ADGRA3: variants seen among roughly 807,000 people sequenced by gnomAD.
The protein encoded by ADGRA3 is G-protein coupled receptor 125.
In ADGRA3, 56 loss-of-function variants were observed where a neutral mutation model predicts 119.8. The ratio of observed to expected loss-of-function variants is 0.47; its 90% CI spans 0.38 to 0.58. ADGRA3 has a LOEUF of 0.58. Among genes scored for constraint, ADGRA3 ranks in the 20% least tolerant of loss-of-function variants. The pLI, the probability that ADGRA3 is intolerant of heterozygous loss-of-function variation, is 0.00. For missense variants in ADGRA3, 1,516 were observed against 1,649.0 expected (o/e 0.92, Z 1.40); for synonymous variants, 607 against 623.8 (o/e 0.97, Z 0.40).
In ADGRA3 at chr4:22,454,794, A is replaced by G. The variant is rs1385624053; in HGVS notation, c.473+72T>C. ...GTTGCTACTTATAATTAAATACATA[A>G]GTTTCATACATATTTAGGTACTGGC... On this transcript the variant is annotated intron_variant, in intron 4 of 18. Transcript: ENST00000334304. 3 of 1,088,202 alleles carry G rather than the reference A, an allele frequency of 2.8e-6. No homozygotes were observed. In the East Asian group the frequency reaches 7.1e-5, roughly 26 times the overall value. The allele number at this position is 1,088,202 out of a possible 1,614,324, so 67.4% of individuals were successfully genotyped here. A position where few individuals can be genotyped will look rare whatever the true frequency, so the allele number is the denominator to read the frequency against.
intron 1 of ADGRA3, among the ~76,000 whole-genome samples, chr4:22,474,948 A>G (rs11933465): frequency 0.55 from 83,105 of 152,014 alleles, 23,536 homozygotes; most frequent in East Asian, 0.69. Flanking sequence ...ATACCTCTGG[A>G]TCAGAAGATT....
intron 3 of ADGRA3, among the ~76,000 whole-genome samples, chr4:22,460,159 T>C (rs1717391754): frequency 6.6e-6 from 1 of 152,202 alleles, no homozygotes; most frequent in Non-Finnish European, 1.5e-5. Flanking sequence ...CTGTTCCCAT[T>C]GCAGGTGCTC....
chr4:22,436,674 C>A, intron 8 of ADGRA3, 33 bp from the exon 9 acceptor site: 2 of 1,551,090 alleles, frequency 1.3e-6, no homozygotes, highest in East Asian at 2.2e-5. Context: ...ACAAGAAAAT[C>A]TAAATGACAC....
chr4:22,408,131 C>A (rs931262238), intron 14 of ADGRA3, among the ~76,000 whole-genome samples: 1 of 151,994 alleles, frequency 6.6e-6, no homozygotes, highest in Non-Finnish European at 1.5e-5. Context: ...TTCTCCCTAC[C>A]TCACATCATC....
rs1003950341 is a variant in ADGRA3, at chr4:22,424,439, T to C, written c.1444-87A>G. 1.6e-4 allele frequency: 236 copies of C among 1,430,872 alleles called. 1 individual carries two copies. The East Asian group carries it at 2.0e-3, about 12-fold the overall frequency. 88.6% of individuals were successfully genotyped at this position (1,430,872 alleles called of 1,614,324 possible). On this transcript the variant is annotated intron_variant, in intron 10 of 18. Transcript: ENST00000334304. The stretch of plus-strand genomic sequence containing the variant: ...ATCAAAATCCTAATGGACAGTGAGA[T>C]TGGCCTTCAGTCTCAAATTCCACAT...
intron 7 of ADGRA3, among the ~76,000 whole-genome samples, chr4:22,439,648 A>G (rs1716531429): frequency 6.6e-6 from 1 of 152,230 alleles, no homozygotes; most frequent in Admixed American, 6.5e-5. Context: ...CTAAGTTAGA[A>G]AAATAAACAT....
intron 7 of ADGRA3, among the ~76,000 whole-genome samples, chr4:22,441,062 T>A (rs1487489640): frequency 6.6e-6 from 1 of 152,170 alleles, no homozygotes; most frequent in African/African-American, 2.4e-5. Context: ...GGAGTTGATA[T>A]GAGAAACAAG....
intron 14 of ADGRA3, among the ~76,000 whole-genome samples, chr4:22,406,725 A>G (rs1272216585): frequency 6.6e-6 from 1 of 152,108 alleles, no homozygotes; most frequent in African/African-American, 2.4e-5. Flanking sequence ...TGACCTGCCC[A>G]CACGCAAAGA....
intron 11 of ADGRA3, among the ~76,000 whole-genome samples, chr4:22,423,595 A>T (rs1715805485): frequency 6.6e-6 from 1 of 152,238 alleles, no homozygotes; most frequent in South Asian, 2.1e-4. Flanking sequence ...AATAAAATTT[A>T]ATACTATGTA....
At chr4:22,462,952 T>C (rs1717519402) in intron 2 of ADGRA3, among the ~76,000 whole-genome samples, 1 of 152,152 alleles carries the variant, frequency 6.6e-6, no homozygotes, top group Non-Finnish European at 1.5e-5. Flanking sequence ...GCTGACAGTC[T>C]AAATACAGTC....
intron 1 of ADGRA3, among the ~76,000 whole-genome samples, chr4:22,480,879 A>G (rs368015636): frequency 6.6e-6 from 1 of 152,114 alleles, no homozygotes. Flanking sequence ...ATATATTTAC[A>G]TATTTAAAAT....
chr4:22,417,236 G>C (rs1715463445), intron 12 of ADGRA3, among the ~76,000 whole-genome samples: 1 of 152,142 alleles, frequency 6.6e-6, no homozygotes, highest in Admixed American at 6.5e-5. Flanking sequence ...TGCTAATTAA[G>C]TTTGGCTGTT....
intron 17 of ADGRA3, among the ~76,000 whole-genome samples, chr4:22,389,722 AGAGGCCCTACC>A (rs1714030986): frequency 6.6e-6 from 1 of 152,144 alleles, no homozygotes; most frequent in Non-Finnish European, 1.5e-5. Context: ...CACAGAGTGC[AGAGGCCCTACC>A]TGACCCCTTT....
chr4:22,413,594 T>G lies in ADGRA3; in HGVS notation c.2023+7A>C. ...TGACTACAGGATAACATATGCCACA[T>G]ACAAACCTATTTTGGTGAGAATCAC... On this transcript the variant is annotated splice_region_variant and intron_variant, in intron 13 of 18. Coordinates refer to ENST00000334304, the MANE Select transcript of ADGRA3 (RefSeq NM_145290.4). 1 of 1,611,666 alleles carries G rather than the reference T, an allele frequency of 6.2e-7. No homozygotes were observed. The highest frequency in any genetic ancestry group is 8.5e-7 in the Non-Finnish European group (1 of 1,177,848).
intron 14 of ADGRA3, among the ~76,000 whole-genome samples, chr4:22,407,637 A>C (rs1480587017): frequency 6.6e-6 from 1 of 152,224 alleles, no homozygotes; most frequent in African/African-American, 2.4e-5. Flanking sequence ...CTAAGCCAAG[A>C]AATGAAAAAT....
chr4:22,509,961 G>T (rs1719389651), intron 1 of ADGRA3, among the ~76,000 whole-genome samples: 1 of 137,624 alleles, frequency 7.3e-6, no homozygotes, highest in Admixed American at 8.1e-5. Flanking sequence ...AGTGAGCCGA[G>T]ATCGCGCCAC....
rs1046334786 is a variant in ADGRA3 at position 22,424,271 on chromosome 4, T to C, written c.1525A>G (p.Lys509Glu). 6.2e-7 allele frequency: 1 copy of C among 1,613,850 alleles called. No individual in the cohort carries two copies. Among genetic ancestry groups the C allele is most frequent in the Non-Finnish European group, 8.5e-7 (1 of 1,179,904 alleles). Residue 509 changes from lysine (K) to glutamate (E), a missense_variant, in exon 11 of 19, where the codon AAA becomes GAA. Around this residue, in one of 2 missense-constraint regions of ADGRA3, gnomAD observed 1,088 missense variants for 1,107.1 expected, o/e 0.98. Transcript: ENST00000334304. The part of the protein sequence containing the change: ...RVLWLAQREA[K>E]ACSRIVQCLQ... Reference sequence around the variant, plus strand: ...CACTGCACAATCCTACTGCAGGCTTTAGCTTCCCTCTGCGCCAGCCACAGG... The same window carrying C: ...CACTGCACAATCCTACTGCAGGCTTCAGCTTCCCTCTGCGCCAGCCACAGG...
chr4:22,491,694 A>G (rs1718629977), intron 1 of ADGRA3, among the ~76,000 whole-genome samples: 3 of 152,124 alleles, frequency 2.0e-5, no homozygotes, highest in Admixed American at 1.3e-4. Context: ...TCCTCTTAGT[A>G]ATTTCCCATC....
intron 1 of ADGRA3, among the ~76,000 whole-genome samples, chr4:22,475,493 C>T (rs1718006718): frequency 6.6e-6 from 1 of 152,048 alleles, no homozygotes; most frequent in South Asian, 2.1e-4. Flanking sequence ...TTTGGGAGGC[C>T]GAGGCGGGTG....
Sources: gnomAD v4.1 joint callset for allele counts (sites outside exome capture counted in the v4.1 genomes callset) on GRCh38, gnomAD v4.1.1 for gene constraint, gnomAD v4.1.1 regional missense constraint, MANE v1.5 for transcripts, NCBI Gene and HGNC (gene_info 2026-07-23, HGNC 2026-07-21) for gene names.